Variants in SYVN1 observed in about 807,000 individuals in gnomAD.
SYVN1 encodes the protein synoviolin 1.
SYVN1 carries 17 observed loss-of-function variants against 62.6 expected under a neutral mutation model. That is an observed-to-expected ratio of 0.27 (90% confidence interval 0.19 to 0.41). SYVN1 has a LOEUF of 0.41. Ranked by LOEUF, SYVN1 falls within the 10% of genes least tolerant of loss-of-function variation. The pLI, the probability that SYVN1 is intolerant of heterozygous loss-of-function variation, is 1.00. For synonymous variants in SYVN1, 316 were observed against 304.0 expected (o/e 1.04, Z -0.41); for missense variants, 634 against 818.0 (o/e 0.78, Z 2.74).
At position 65,133,149 on chromosome 11, in the gene SYVN1, C is replaced by G; in HGVS notation, c.225+11G>C. 2 of 1,614,120 alleles carry G rather than the reference C, an allele frequency of 1.2e-6. No homozygotes were observed. The highest frequency in any genetic ancestry group is 1.1e-5 in the South Asian group (1 of 91,088). On this transcript the variant is annotated intron_variant, in intron 3 of 15. Transcript: ENST00000377190. ...ACCCTGCCCTCACCTTTGGGGCAGC[C>G]GACATCTTACCTCCATCTCTGCTGC...
intron 8 of SYVN1, 38 bp from the exon 9 acceptor site, chr11:65,131,235 G>C: frequency 6.2e-7 from 1 of 1,613,928 alleles, no homozygotes; most frequent in African/African-American, 1.3e-5. Flanking sequence ...GAAGGGACGG[G>C]ATCAGGTCAG....
chr11:65,130,762 G>A lies in SYVN1; in HGVS notation c.1003C>T (p.Arg335Cys), dbSNP rs1184717252. Residue 335 changes from arginine to cysteine, a missense_variant, in exon 11 of 16, where the codon CGT becomes TGT. Physicochemically the swap from Arg to Cys is radical, Grantham distance 180 (BLOSUM62 -3). Coordinates refer to ENST00000377190, the MANE Select transcript of SYVN1 (RefSeq NM_172230.3). The stretch of plus-strand genomic sequence containing the variant: ...GGTGACTGCGCTGGCAGCGATGCAC[G>A]AAGGACATCCATACGGCAGGTGGGG... ...TCPTCRMDVL[R>C]ASLPAQSPPP... 2.6e-6 allele frequency: 4 copies of A among 1,539,854 alleles called. No homozygotes were observed. The highest frequency in any genetic ancestry group is 2.0e-5 in the Admixed American group (1 of 48,938).
In SYVN1 at chr11:65,128,646, G is replaced by A. The variant is rs1475764321; in HGVS notation, c.1664C>T (p.Ser555Phe). The A allele has an allele frequency of 2.5e-6, 4 of 1,614,062 alleles. No homozygotes were observed. The African/African-American group carries it at 4.0e-5, about 16-fold the overall frequency. Residue 555 changes from serine (S) to phenylalanine (F), a missense_variant, in exon 15 of 16, where the codon TCC (serine) becomes TTC (phenylalanine). This residue lies in a region of SYVN1 where 351 missense variants were observed against 373.3 expected (regional missense o/e 0.94). Coordinates refer to ENST00000377190, the MANE Select transcript of SYVN1 (RefSeq NM_172230.3). Reference sequence around the variant, plus strand: ...CTCTGAGCTAGGGATGCTGGTGGAGGAGGCAGCAGCAACAACTGTAGTGGC... The same window carrying A: ...CTCTGAGCTAGGGATGCTGGTGGAGAAGGCAGCAGCAACAACTGTAGTGGC... ...ETATTVVAAA[S>F]STSIPSSEAT... is the part of the protein sequence containing the mutation.
Position 65,130,431 on chromosome 11 carries a change from C to G in SYVN1, c.1106-52G>C, listed in dbSNP as rs372271069. 71 of 1,494,980 alleles carry G rather than the reference C, an allele frequency of 4.7e-5. 1 individual carries two copies. The African/African-American group carries it at 8.0e-4, about 17-fold the overall frequency. 92.6% of individuals were successfully genotyped at this position (1,494,980 alleles called of 1,614,324 possible). A position where few individuals can be genotyped will look rare whatever the true frequency, so the allele number is the denominator to read the frequency against. On this transcript the variant is annotated intron_variant, in intron 11 of 15. Transcript: ENST00000377190. ...AAGGGCCAAATGGACACAGACCCAACTCCCAGGCAGGGGGCCTGGCTATTG... is the reference window on the plus strand; with the variant it reads ...AAGGGCCAAATGGACACAGACCCAAGTCCCAGGCAGGGGGCCTGGCTATTG...
rs750563750 is a variant in SYVN1 at position 65,130,253 on chromosome 11, G to A, written c.1232C>T (p.Ala411Val). 1.9e-6 allele frequency: 3 copies of A among 1,605,516 alleles called. No homozygotes were observed. The highest frequency in any genetic ancestry group is 1.7e-6 in the Non-Finnish European group (2 of 1,176,066). The stretch of plus-strand genomic sequence containing the variant: ...TGTCACAGTACCCAAAGGCTCACCT[G>A]CACTGGTGGATGGAGGAGCCACAGC... The part of the protein sequence containing the change: ...GEAVAPPSTS[A>V]AALSRPSGAA... The change falls in exon 12 of 16, where the codon GCA (alanine) becomes GTA (valine). Residue 411 changes from alanine to valine, a missense_variant and splice_region_variant. By Grantham distance (64) the Ala-to-Val change is moderately conservative. Coordinates refer to ENST00000377190, the MANE Select transcript of SYVN1 (RefSeq NM_172230.3).
rs1948115551 is a variant in SYVN1 at position 65,127,484 on chromosome 11, T to C, written c.*898A>G. 1 of 161,544 alleles carries C rather than the reference T, an allele frequency of 6.2e-6. No homozygotes were observed. Among genetic ancestry groups the C allele is most frequent in the Non-Finnish European group, 1.3e-5 (1 of 74,742 alleles). The allele number at this position is 161,544 out of a possible 1,614,324, so 10.0% of individuals were successfully genotyped here. A position where few individuals can be genotyped will look rare whatever the true frequency, so the allele number is the denominator to read the frequency against. The stretch of plus-strand genomic sequence containing the variant: ...TTTTCTAAACTGGAAAGACCAGGAG[T>C]CTGGCACTCCTGTTCCTCTTTCCCG... On this transcript the variant is annotated 3_prime_UTR_variant, in exon 16 of 16. Transcript: ENST00000377190.
chr11:65,130,727 CG>C lies in SYVN1; in HGVS notation c.1037del (p.Pro346ArgfsTer139). ...GGGGTGGCCCCTGATCCGCAGGCTC[CG>C]GGGGTGGTGGTGACTGCGCTGGCAG... ...ASLPAQSPPP[P>X]EPADQGPPPA... On this transcript the variant is annotated frameshift_variant, in exon 11 of 16. Coordinates refer to ENST00000377190, the MANE Select transcript of SYVN1 (RefSeq NM_172230.3). LOFTEE classifies it high-confidence loss of function. 2 of 1,522,710 alleles carry C rather than the reference CG, an allele frequency of 1.3e-6. No individual in the cohort carries two copies. The highest frequency in any genetic ancestry group is 8.8e-7 in the Non-Finnish European group (1 of 1,139,872). The allele number at this position is 1,522,710 out of a possible 1,614,324, so 94.3% of individuals were successfully genotyped here. A position where few individuals can be genotyped will look rare whatever the true frequency, so the allele number is the denominator to read the frequency against.
rs770189377 is a variant in SYVN1 at position 65,132,712 on chromosome 11, C to T, written c.427+20G>A. 1 of 1,613,852 alleles carries T rather than the reference C, an allele frequency of 6.2e-7. No homozygotes were observed. The highest frequency in any genetic ancestry group is 1.3e-5 in the African/African-American group (1 of 74,904). On this transcript the variant is annotated intron_variant, in intron 5 of 15. Coordinates refer to ENST00000377190, the MANE Select transcript of SYVN1 (RefSeq NM_172230.3). Reference sequence around the variant, plus strand: ...GTTCACGTTCCAGTCCTCCCTTCCCCTCCCCTGAATCTCACTCACAGACAA... The same window carrying T: ...GTTCACGTTCCAGTCCTCCCTTCCCTTCCCCTGAATCTCACTCACAGACAA...
Position 65,132,337 on chromosome 11 carries a change from G to T in SYVN1, c.442C>A (p.Leu148Met), listed in dbSNP as rs1447559333. The T allele has an allele frequency of 1.9e-6, 3 of 1,613,822 alleles. No individual in the cohort carries two copies. The highest frequency in any genetic ancestry group is 2.5e-6 in the Non-Finnish European group (3 of 1,179,842). Residue 148 changes from leucine (L) to methionine (M), a missense_variant, in exon 6 of 16, where the codon CTG (leucine) becomes ATG (methionine). By Grantham distance (15) the Leu-to-Met change is conservative (BLOSUM62 2). This residue lies in a region of SYVN1 where 283 missense variants were observed against 444.7 expected (regional missense o/e 0.64). Coordinates refer to ENST00000377190, the MANE Select transcript of SYVN1 (RefSeq NM_172230.3). ...ACGAAGAGGAAGTCCAGGATGCCCA[G>T]GAGGAACATAAGAGCTGTGGGGACC... Reference protein sequence around the residue: ...HCRIVSLMFLLGILDFLFVSH... With the variant: ...HCRIVSLMFLMGILDFLFVSH...
chr11:65,130,483 C>A, intron 11 of SYVN1, 104 bp from the exon 12 acceptor site: 1 of 1,422,704 alleles, frequency 7.0e-7, no homozygotes, highest in East Asian at 2.5e-5. Context: ...CCCACAGGCC[C>A]TCAGCCCAGC....
intron 6 of SYVN1, 108 bp from the exon 7 acceptor site, chr11:65,131,704 G>T: frequency 7.3e-7 from 1 of 1,368,410 alleles, no homozygotes; most frequent in Non-Finnish European, 9.9e-7. Context: ...ACAATCACAG[G>T]CTCTAGACAC....
rs1172339350 is a variant in SYVN1 at position 65,128,081 on chromosome 11, G to T, written c.*301C>A. ...GCAGCCCCTTCTCCTGGAAAGGGGTGGGGGAAGAAGAGGGCTTCTCAGAGG... is the reference window on the plus strand; with the variant it reads ...GCAGCCCCTTCTCCTGGAAAGGGGTTGGGGAAGAAGAGGGCTTCTCAGAGG... On this transcript the variant is annotated 3_prime_UTR_variant, in exon 16 of 16. Transcript: ENST00000377190. 1 of 516,206 alleles carries T rather than the reference G, an allele frequency of 1.9e-6. No homozygotes were observed. Among genetic ancestry groups the T allele is most frequent in the Non-Finnish European group, 3.5e-6 (1 of 288,436 alleles). 32.0% of individuals were successfully genotyped at this position (516,206 alleles called of 1,614,324 possible).
At chr11:65,130,563 G>A in intron 11 of SYVN1, 97 bp downstream of exon 11, 5 of 1,448,388 alleles carry the variant, frequency 3.5e-6, no homozygotes, top group Non-Finnish European at 4.6e-6. Context: ...CTGAGATTCT[G>A]GAGGGCAGGG....
rs1414467472 is a variant in SYVN1, at chr11:65,131,342, G to A, written c.690C>T (p.Phe230=). ...TGTGCACCTTGATCATGATGGTCAT[G>A]AAGGCCATGTACAGCAGAACCTTGA... is the stretch of plus-strand genomic sequence containing the variant. ...GFIKVLLYMA[F]MTIMIKVHTF... Residue 230 remains phenylalanine, a synonymous_variant, in exon 8 of 16, where the codon TTC becomes TTT. Transcript: ENST00000377190. 1 of 1,614,006 alleles carries A rather than the reference G, an allele frequency of 6.2e-7. No homozygotes were observed. Among genetic ancestry groups the A allele is most frequent in the African/African-American group, 1.3e-5 (1 of 74,904 alleles).
At chr11:65,134,117 G>A (rs1384150052) in intron 1 of SYVN1, 2 of 154,136 alleles carry the variant, frequency 1.3e-5, no homozygotes, top group African/African-American at 4.8e-5. Context: ...TGCGGGAGCG[G>A]GCGGGGAACG....
chr11:65,132,401 A>C, intron 5 of SYVN1, 50 bp from the exon 6 acceptor site: 1 of 1,309,508 alleles, frequency 7.6e-7, no homozygotes, highest in Non-Finnish European at 1.1e-6. Context: ...CCAGGGCCCA[A>C]CAGCTGTTTA....
intron 10 of SYVN1, 44 bp downstream of exon 10, chr11:65,130,876 G>A (rs1003252388): frequency 1.2e-6 from 2 of 1,611,216 alleles, no homozygotes; most frequent in Non-Finnish European, 8.5e-7. Flanking sequence ...CCTGCCTTCT[G>A]GGGCCTGTGC....
rs1948188788 is a variant in SYVN1, at chr11:65,132,165, CTGAGGAAGGGTCTG to C, written c.531+69_531+82del. The C allele has an allele frequency of 8.1e-6, 9 of 1,108,912 alleles. No homozygotes were observed. In the South Asian group the frequency reaches 9.9e-5, roughly 12 times the overall value. The allele number at this position is 1,108,912 out of a possible 1,614,324, so 68.7% of individuals were successfully genotyped here. A position where few individuals can be genotyped will look rare whatever the true frequency, so the allele number is the denominator to read the frequency against. Reference sequence around the variant, plus strand: ...GCACAGGTTGGCCACATAGCAGGTGCTGAGGAAGGGTCTGTTGGGTTATTCAAGGCACATGTGGG... The same window carrying C: ...GCACAGGTTGGCCACATAGCAGGTGCTTGGGTTATTCAAGGCACATGTGGG... On this transcript the variant is annotated intron_variant, in intron 6 of 15. Coordinates refer to ENST00000377190, the MANE Select transcript of SYVN1 (RefSeq NM_172230.3).
intron 5 of SYVN1, 74 bp from the exon 6 acceptor site, chr11:65,132,425 G>T: frequency 1.9e-6 from 2 of 1,063,098 alleles, no homozygotes; most frequent in Non-Finnish European, 2.9e-6. Context: ...CTCTAGGACA[G>T]CCCCACCCTC....
Sources: gnomAD v4.1 joint callset for allele counts on GRCh38, gnomAD v4.1.1 for gene constraint, gnomAD v4.1.1 regional missense constraint, MANE v1.5 for transcripts, NCBI Gene and HGNC (gene_info 2026-07-23, HGNC 2026-07-21) for gene names.